Variants in RIC1 observed in about 807,000 individuals in gnomAD.
RIC1 encodes guanine nucleotide exchange factor subunit RIC1.
RIC1 carries 88 observed loss-of-function variants against 169.0 expected under a neutral mutation model. The ratio of observed to expected loss-of-function variants is 0.52; its 90% CI spans 0.44 to 0.62. The LOEUF (loss-of-function observed/expected upper bound fraction) is 0.62. Among genes scored for constraint, RIC1 ranks in the 20% least tolerant of loss-of-function variants. RIC1 has a pLI of 0.00. For synonymous variants in RIC1, 790 were observed against 601.5 expected (o/e 1.31, Z -4.59); for missense variants, 1,877 against 1,725.5 (o/e 1.09, Z -1.56).
chr9:5,692,327 A>T (rs1053617976), intron 3 of RIC1, among the ~76,000 whole-genome samples: 1 of 152,102 alleles, frequency 6.6e-6, no homozygotes, highest in Non-Finnish European at 1.5e-5. Context: ...AGTAGTAATC[A>T]TCTCATAAGA....
At chr9:5,754,807 T>A (rs777279998) in intron 14 of RIC1, 34 bp from the exon 15 acceptor site, 1 of 1,257,488 alleles carries the variant, frequency 8.0e-7, no homozygotes, top group Non-Finnish European at 1.1e-6. Context: ...TCTGGTAGCA[T>A]AAGGTAAATT....
chr9:5,743,720 C>G lies in RIC1; in HGVS notation c.1078C>G (p.Leu360Val). ...GTCTGATGGCACCAAAAAAGATCCC[C>G]TTAAGATCAACTCTATGGTAAGTAC... Reference protein sequence around the residue: ...YRSDGTKKDPLKINSMSWGAE... With the variant: ...YRSDGTKKDPVKINSMSWGAE... The change falls in exon 10 of 26, where the codon CTT becomes GTT. Residue 360 changes from leucine to valine, a missense_variant. Transcript: ENST00000414202. 6.2e-7 allele frequency: 1 copy of G among 1,610,458 alleles called. No homozygotes were observed. Among genetic ancestry groups the G allele is most frequent in the Non-Finnish European group, 8.5e-7 (1 of 1,177,386 alleles).
chr9:5,773,166 A>C, intron 25 of RIC1, 86 bp downstream of exon 25: 1 of 573,970 alleles, frequency 1.7e-6, no homozygotes, highest in Non-Finnish European at 2.7e-6. Flanking sequence ...GTTATGGTTC[A>C]TGTGTTACAT....
chr9:5,770,369 T>C (rs1827124585), intron 23 of RIC1, 91 bp downstream of exon 23: 2 of 1,129,902 alleles, frequency 1.8e-6, no homozygotes, highest in Admixed American at 2.3e-5. Context: ...ATTCTTTTTC[T>C]ATCGTGATGG....
chr9:5,747,582 A>C, intron 12 of RIC1, 77 bp downstream of exon 12: 9 of 1,299,984 alleles, frequency 6.9e-6, no homozygotes, highest in Non-Finnish European at 8.8e-6. Flanking sequence ...TAAATATTTC[A>C]TCTGTTAACT....
At chr9:5,673,576 G>T (rs1439882288) in intron 2 of RIC1, among the ~76,000 whole-genome samples, 1 of 112,908 alleles carries the variant, frequency 8.9e-6, no homozygotes, top group East Asian at 2.6e-4. Context: ...GTTGATTGCA[G>T]CATTGTCTGT....
chr9:5,689,492 T>G (rs1374121166), intron 2 of RIC1, among the ~76,000 whole-genome samples: 1 of 152,228 alleles, frequency 6.6e-6, no homozygotes, highest in Non-Finnish European at 1.5e-5. Context: ...CAAAAGATTG[T>G]TTTTGAAATA....
downstream of RIC1, among the ~76,000 whole-genome samples, chr9:5,776,795 G>A (rs918839916): frequency 6.6e-6 from 1 of 151,864 alleles, no homozygotes; most frequent in Non-Finnish European, 1.5e-5. Flanking sequence ...AAAATATAAT[G>A]AAGGAATGAC....
chr9:5,757,572 G>C (rs1826082363), intron 17 of RIC1, 121 bp downstream of exon 17: 1 of 1,027,194 alleles, frequency 9.7e-7, no homozygotes, highest in Non-Finnish European at 1.4e-6. Flanking sequence ...CCTTATATGA[G>C]AATGCTGGGT....
intron 3 of RIC1, among the ~76,000 whole-genome samples, chr9:5,695,880 T>A (rs924394869): frequency 2.6e-5 from 4 of 152,124 alleles, no homozygotes; most frequent in African/African-American, 9.7e-5. Context: ...CTATTATGTC[T>A]TCTTAATGTC....
intron 3 of RIC1, among the ~76,000 whole-genome samples, chr9:5,702,525 TTTTTG>T (rs1472912067): frequency 8.4e-6 from 1 of 119,760 alleles, no homozygotes; most frequent in Admixed American, 7.7e-5. Flanking sequence ...TTTGTTTTTG[TTTTTG>T]TTTTTGTTTT....
In RIC1 at chr9:5,720,311, G is replaced by C; in HGVS notation, c.570G>C (p.Leu190=). The part of the protein sequence containing the change: ...NLCTVPFSVD[L]QSSRVGSFLG... Reference sequence around the variant, plus strand: ...GCACAGTACCCTTTTCAGTAGACCTGCAGTCATCTAGAGGTAGCTATACTT... The same window carrying C: ...GCACAGTACCCTTTTCAGTAGACCTCCAGTCATCTAGAGGTAGCTATACTT... Residue 190 remains leucine, a synonymous_variant, in exon 5 of 26, where the codon CTG becomes CTC. Coordinates refer to ENST00000414202, the MANE Select transcript of RIC1 (RefSeq NM_020829.4). The C allele has an allele frequency of 1.2e-6, 2 of 1,612,844 alleles. No individual in the cohort carries two copies. Among genetic ancestry groups the C allele is most frequent in the South Asian group, 1.1e-5 (1 of 90,774 alleles).
intron 7 of RIC1, among the ~76,000 whole-genome samples, chr9:5,733,576 A>T (rs1479915006): frequency 6.6e-6 from 1 of 151,972 alleles, no homozygotes; most frequent in Non-Finnish European, 1.5e-5. Context: ...TTTTTTTATT[A>T]GTATAAATAA....
intron 5 of RIC1, 140 bp from the exon 6 acceptor site, chr9:5,720,474 T>C: frequency 8.8e-7 from 1 of 1,136,072 alleles, no homozygotes; most frequent in Non-Finnish European, 1.2e-6. Flanking sequence ...AGGCATTTAA[T>C]AGGAAAGGAC....
chr9:5,635,297 T>C (rs1817919066), intron 1 of RIC1, among the ~76,000 whole-genome samples: 1 of 152,152 alleles, frequency 6.6e-6, no homozygotes, highest in Non-Finnish European at 1.5e-5. Flanking sequence ...ATTTTTTCTA[T>C]TTTTTGTACC....
chr9:5,735,923 A>G (rs1235814839), intron 7 of RIC1, among the ~76,000 whole-genome samples: 1 of 152,230 alleles, frequency 6.6e-6, no homozygotes, highest in Non-Finnish European at 1.5e-5. Context: ...TAATAGTCAT[A>G]TCTCTCTTAT....
chr9:5,757,864 A>G (rs905594347), intron 17 of RIC1, among the ~76,000 whole-genome samples: 6 of 152,248 alleles, frequency 3.9e-5, no homozygotes, highest in Non-Finnish European at 7.3e-5. Context: ...TGACACACTC[A>G]GGGAATTGGA....
intron 2 of RIC1, among the ~76,000 whole-genome samples, chr9:5,682,781 C>T (rs1167093437): frequency 1.3e-5 from 2 of 152,196 alleles, no homozygotes; most frequent in Admixed American, 1.3e-4. Flanking sequence ...TTCTCCCCGT[C>T]ACTTTCAGGT....
intron 3 of RIC1, among the ~76,000 whole-genome samples, chr9:5,690,788 C>T (rs930895466): frequency 1.3e-5 from 2 of 151,746 alleles, no homozygotes; most frequent in African/African-American, 4.8e-5. Flanking sequence ...AGGGCCAAGT[C>T]TTACTACTTT....
Sources: gnomAD v4.1 joint callset for allele counts (sites outside exome capture counted in the v4.1 genomes callset) on GRCh38, gnomAD v4.1.1 for gene constraint, MANE v1.5 for transcripts, NCBI Gene and HGNC (gene_info 2026-07-23, HGNC 2026-07-21) for gene names.